The following ADARB1 variants were observed in gnomAD, a reference collection of about 807,000 sequenced individuals.
ADARB1 encodes the protein double-stranded RNA-specific editase 1.
In ADARB1, 10 loss-of-function variants were observed where a neutral mutation model predicts 52.4. The observed-to-expected ratio is 0.19, with a 90% CI of 0.12 to 0.32. The LOEUF (loss-of-function observed/expected upper bound fraction) is 0.32, where lower values mean the gene tolerates loss of function less well. ADARB1 is among the 10% of genes least tolerant of loss of function. ADARB1 has a pLI of 1.00. For synonymous variants in ADARB1, 349 were observed against 371.1 expected (o/e 0.94, Z 0.68); for missense variants, 643 against 922.3 (o/e 0.70, Z 3.92).
chr21:45,110,833 CTG>C (rs2087500301), intron 1 of ADARB1, among the ~76,000 whole-genome samples: 1 of 152,164 alleles, frequency 6.6e-6, no homozygotes, highest in South Asian at 2.1e-4. Context: ...GGGCGCATCT[CTG>C]TCAGTTTTTA....
At chr21:45,211,663 A>G (rs775003040) in intron 9 of ADARB1, among the ~76,000 whole-genome samples, 20 of 152,212 alleles carry the variant, frequency 1.3e-4, no homozygotes, top group Non-Finnish European at 2.2e-4. Flanking sequence ...TTATTAGGCC[A>G]ATTCACAGTT....
chr21:45,202,709 AGCGTCTTCCCCTGCAGCGTGT>A (rs1209726142), intron 8 of ADARB1, among the ~76,000 whole-genome samples: 1 of 152,082 alleles, frequency 6.6e-6, no homozygotes, highest in East Asian at 1.9e-4. Context: ...TGTACTGCTG[AGCGTCTTCCCCTGCAGCGTGT>A]GCTGAGCATC....
At chr21:45,116,033 A>G (rs2087805016) in intron 1 of ADARB1, among the ~76,000 whole-genome samples, 1 of 152,210 alleles carries the variant, frequency 6.6e-6, no homozygotes, top group African/African-American at 2.4e-5. Context: ...ATTCTTGCTG[A>G]GTGCAGACTA....
rs147012547 is a variant in ADARB1, at chr21:45,105,079, GTTGTTTTGTT to G, written c.-219-23295_-219-23286del. On this transcript the variant is annotated intron_variant, in intron 1 of 10. Coordinates refer to ENST00000348831, the MANE Select transcript of ADARB1 (RefSeq NM_001112.4). ...GCTTAGCATGCATCGTTGCTGCTTC[GTTGTTTTGTT>G]TTGTTTTGTTTTGTTTTGTTTTGTT... 5.5e-3 allele frequency among the ~76,000 whole-genome samples: 826 copies of G among 150,210 alleles called. 10 individuals carry two copies. The highest frequency in any genetic ancestry group is 0.017 in the Middle Eastern group (5 of 292).
At chr21:45,219,832 T>C (rs1283414453) in intron 9 of ADARB1, among the ~76,000 whole-genome samples, 9 of 152,146 alleles carry the variant, frequency 5.9e-5, no homozygotes, top group Non-Finnish European at 1.0e-4. Flanking sequence ...GCTCACTTTC[T>C]TGAAACACTG....
At chr21:45,081,717 G>A (rs997882065) in intron 1 of ADARB1, among the ~76,000 whole-genome samples, 2 of 152,204 alleles carry the variant, frequency 1.3e-5, no homozygotes, top group Admixed American at 6.5e-5. Context: ...GATGTTCTGG[G>A]AAGGCCTCTC....
intron 2 of ADARB1, among the ~76,000 whole-genome samples, chr21:45,136,293 A>G (rs1258366889): frequency 6.6e-6 from 1 of 152,192 alleles, no homozygotes; most frequent in Non-Finnish European, 1.5e-5. Context: ...CAAGCTCTAC[A>G]TGATGGGTGG....
At chr21:45,185,128 A>C in intron 8 of ADARB1, 37 bp downstream of exon 8, 1 of 1,605,222 alleles carries the variant, frequency 6.2e-7, no homozygotes, top group South Asian at 1.1e-5. Context: ...ACCTCCCTGC[A>C]CACAGGATTC....
rs538814291 is a variant in ADARB1, at chr21:45,178,381, G to A, written c.963+1717G>A. On this transcript the variant is annotated intron_variant, in intron 4 of 10. Coordinates refer to ENST00000348831, the MANE Select transcript of ADARB1 (RefSeq NM_001112.4). Reference sequence around the variant, plus strand: ...ACGCCACGTTCCTCTGGGCTCTGTAGGTGCTGAACACCAGGCTCTAGGCCT... The same window carrying A: ...ACGCCACGTTCCTCTGGGCTCTGTAAGTGCTGAACACCAGGCTCTAGGCCT... Among the ~76,000 whole-genome samples, 311 of 152,366 alleles carry A rather than the reference G, an allele frequency of 2.0e-3. 1 individual carries two copies. Among genetic ancestry groups the A allele is most frequent in the African/African-American group, 7.1e-3 (296 of 41,592 alleles).
At chr21:45,198,643 C>T (rs1480105979) in intron 8 of ADARB1, among the ~76,000 whole-genome samples, 1 of 152,076 alleles carries the variant, frequency 6.6e-6, no homozygotes, top group African/African-American at 2.4e-5. Context: ...GGATGATGAT[C>T]CCCATTTTAT....
At chr21:45,088,589 C>T (rs977459496) in intron 1 of ADARB1, among the ~76,000 whole-genome samples, 2 of 152,214 alleles carry the variant, frequency 1.3e-5, no homozygotes, top group Non-Finnish European at 2.9e-5. Context: ...AAATCGCCTT[C>T]AGGCGGCACT....
In ADARB1 at chr21:45,134,858, CA is replaced by C. The variant is rs746880532; in HGVS notation, c.-48+6286del. The stretch of plus-strand genomic sequence containing the variant: ...GTCAGTGGGTGATGGCATTTGTGGT[CA>C]GGGGCACCCAGCACCACACCCCTGG... On this transcript the variant is annotated intron_variant, in intron 2 of 10. Transcript: ENST00000348831. 38 of 532,672 alleles carry C rather than the reference CA, an allele frequency of 7.1e-5. No individual in the cohort carries two copies. The Middle Eastern group carries it at 9.5e-4, about 13-fold the overall frequency. The allele number at this position is 532,672 out of a possible 1,614,324, so 33.0% of individuals were successfully genotyped here.
At chr21:45,144,205 T>G (rs1029737536) in intron 2 of ADARB1, among the ~76,000 whole-genome samples, 1 of 152,254 alleles carries the variant, frequency 6.6e-6, no homozygotes, top group African/African-American at 2.4e-5. Flanking sequence ...ATAGAGATTT[T>G]AGAATTCTAA....
At chr21:45,185,604 G>A (rs942960534) in intron 8 of ADARB1, among the ~76,000 whole-genome samples, 13 of 152,200 alleles carry the variant, frequency 8.5e-5, no homozygotes, top group African/African-American at 3.1e-4. Flanking sequence ...GGAGGGCTCT[G>A]CAAGCACACT....
intron 1 of ADARB1, among the ~76,000 whole-genome samples, chr21:45,113,655 T>A (rs1318402181): frequency 6.6e-6 from 1 of 152,062 alleles, no homozygotes; most frequent in African/African-American, 2.4e-5. Context: ...GAAGCTGCCC[T>A]GAGAGTTGGA....
At chr21:45,216,933 C>A (rs2092874973) in intron 9 of ADARB1, among the ~76,000 whole-genome samples, 1 of 151,724 alleles carries the variant, frequency 6.6e-6, no homozygotes, top group Non-Finnish European at 1.5e-5. Flanking sequence ...ATAAACCGAC[C>A]TCCTTTACCA....
At chr21:45,192,879 T>A (rs972582666) in intron 8 of ADARB1, among the ~76,000 whole-genome samples, 2 of 152,302 alleles carry the variant, frequency 1.3e-5, no homozygotes, top group Admixed American at 6.5e-5. Flanking sequence ...AAAGCTCACT[T>A]AAGAAGAAGT....
chr21:45,143,414 C>T (rs2089838114), intron 2 of ADARB1, among the ~76,000 whole-genome samples: 1 of 152,246 alleles, frequency 6.6e-6, no homozygotes, highest in Non-Finnish European at 1.5e-5. Context: ...GTGGCCTATC[C>T]TTTCTTTTCT....
chr21:45,123,328 A>G (rs866890009), intron 1 of ADARB1, among the ~76,000 whole-genome samples: 3 of 151,662 alleles, frequency 2.0e-5, no homozygotes, highest in Admixed American at 6.6e-5. Flanking sequence ...TTTTGAGACA[A>G]TGTTTTGCTC....
Sources: allele counts gnomAD v4.1 joint callset (sites outside exome capture counted in the v4.1 genomes callset), GRCh38; gene constraint gnomAD v4.1.1; transcripts MANE v1.5; gene names NCBI Gene and HGNC (gene_info 2026-07-23, HGNC 2026-07-21).